Variants in COL5A2 observed in about 807,000 individuals in gnomAD.
COL5A2 encodes the protein collagen alpha-2(V) chain.
In COL5A2, 23 loss-of-function variants were observed where a neutral mutation model predicts 208.2. The observed-to-expected ratio is 0.11, with a 90% CI of 0.08 to 0.16. COL5A2 has a LOEUF of 0.16. COL5A2 is among the 10% of genes least tolerant of loss of function. The probability of loss-of-function intolerance (pLI) is 1.00; values close to 1 mark genes in which losing one functional copy is unlikely to be tolerated. For synonymous variants in COL5A2, 625 were observed against 628.5 expected (o/e 0.99, Z 0.08); for missense variants, 1,590 against 1,956.4 (o/e 0.81, Z 3.53).
At chr2:189,126,621 T>G (rs1370430094) in intron 1 of COL5A2, among the ~76,000 whole-genome samples, 1 of 152,080 alleles carries the variant, frequency 6.6e-6, no homozygotes, top group Non-Finnish European at 1.5e-5. Flanking sequence ...TCAAATTTAA[T>G]TTCCCCTACA....
At chr2:189,182,893 C>T (rs1688801147), upstream of COL5A2, among the ~76,000 whole-genome samples, 1 of 152,128 alleles carries the variant, frequency 6.6e-6, no homozygotes, top group Non-Finnish European at 1.5e-5. Flanking sequence ...TTCTTCAAAT[C>T]TCCTTGCAGA....
chr2:189,280,842 C>G, the COL5A2 span, among the ~76,000 whole-genome samples: 1 of 152,020 alleles, frequency 6.6e-6, no homozygotes, highest in Non-Finnish European at 1.5e-5. Flanking sequence ...AACTATTTTA[C>G]TTTGGACTCA....
At chr2:189,236,010 A>G in the COL5A2 span, among the ~76,000 whole-genome samples, 1 of 151,582 alleles carries the variant, frequency 6.6e-6, no homozygotes, top group East Asian at 1.9e-4. Flanking sequence ...AATAAAAAAA[A>G]AAAAACACCT....
chr2:189,075,077 A>T (rs1476174260), intron 17 of COL5A2, among the ~76,000 whole-genome samples: 1 of 152,138 alleles, frequency 6.6e-6, no homozygotes, highest in South Asian at 2.1e-4. Context: ...GTGTTTTGTC[A>T]TCTATCTATC....
In COL5A2 at chr2:189,092,293, C is replaced by A. The variant is rs780672109; in HGVS notation, c.567+17G>T. The A allele has an allele frequency of 4.2e-5, 63 of 1,489,254 alleles. No homozygotes were observed. The highest frequency in any genetic ancestry group is 1.9e-5 in the Non-Finnish European group (20 of 1,073,826). 92.3% of individuals were successfully genotyped at this position (1,489,254 alleles called of 1,614,324 possible). On this transcript the variant is annotated intron_variant, in intron 7 of 53. Transcript: ENST00000374866. ...AACATGACCTGTACGTGACATCAAA[C>A]AATGCACACAACTCACCCTGCTCAA...
At chr2:189,332,954 T>C in the COL5A2 span, among the ~76,000 whole-genome samples, 7 of 152,240 alleles carry the variant, frequency 4.6e-5, no homozygotes, top group Admixed American at 3.9e-4. Context: ...AAGCAACACT[T>C]CTCAAAAACT....
chr2:189,140,463 T>C (rs1687914424), intron 1 of COL5A2, among the ~76,000 whole-genome samples: 1 of 152,184 alleles, frequency 6.6e-6, no homozygotes, highest in Non-Finnish European at 1.5e-5. Context: ...AAGATATGTT[T>C]ATAGACCAGA....
At chr2:189,424,823 T>C in the COL5A2 span, among the ~76,000 whole-genome samples, 1 of 152,120 alleles carries the variant, frequency 6.6e-6, no homozygotes, top group South Asian at 2.1e-4. Context: ...AAAATTTGTG[T>C]GGAACAAAAA....
upstream of COL5A2, among the ~76,000 whole-genome samples, chr2:189,230,255 A>G (rs954261500): frequency 5.9e-5 from 9 of 151,878 alleles, no homozygotes; most frequent in Admixed American, 5.3e-4. Flanking sequence ...AGGTTTCATG[A>G]CATTGGTTTT....
the COL5A2 span, among the ~76,000 whole-genome samples, chr2:189,403,949 T>C: frequency 6.6e-6 from 1 of 152,160 alleles, no homozygotes; most frequent in Non-Finnish European, 1.5e-5. Context: ...GCCAGGATGG[T>C]CTCAATCTCC....
At position 189,162,360 on chromosome 2, in the gene COL5A2, C is replaced by T. The variant is rs547981543; in HGVS notation, c.97+17148G>A. Among the ~76,000 whole-genome samples, 5 of 152,256 alleles carry T rather than the reference C, an allele frequency of 3.3e-5. 1 individual carries two copies. The highest frequency in any genetic ancestry group is 1.2e-4 in the African/African-American group (5 of 41,548). On this transcript the variant is annotated intron_variant, in intron 1 of 53. Transcript: ENST00000374866. ...TAACTTGCATGGTGGGGGATATACT[C>T]CTCTGTAGAGAAAAGCAAGTTGAAA...
the COL5A2 span, among the ~76,000 whole-genome samples, chr2:189,405,205 T>C: frequency 6.6e-6 from 1 of 150,376 alleles, no homozygotes; most frequent in South Asian, 2.1e-4. Context: ...AATAGTGACA[T>C]TAGATATTTA....
At chr2:189,090,311 G>A (rs1342935042) in intron 7 of COL5A2, among the ~76,000 whole-genome samples, 1 of 152,208 alleles carries the variant, frequency 6.6e-6, no homozygotes, top group Non-Finnish European at 1.5e-5. Context: ...AAGGCTGAAA[G>A]AAGCAAGGAA....
At chr2:189,357,215 G>A in the COL5A2 span, among the ~76,000 whole-genome samples, 2 of 152,138 alleles carry the variant, frequency 1.3e-5, no homozygotes, top group Non-Finnish European at 2.9e-5. Context: ...CAGAGGTCAG[G>A]GGCCCACTTG....
At chr2:189,318,131 A>G in the COL5A2 span, among the ~76,000 whole-genome samples, 1 of 152,218 alleles carries the variant, frequency 6.6e-6, no homozygotes, top group African/African-American at 2.4e-5. Flanking sequence ...CTGACCCTGT[A>G]GAACACCTGT....
intron 1 of COL5A2, among the ~76,000 whole-genome samples, chr2:189,198,855 G>A (rs1305505166): frequency 6.6e-6 from 1 of 152,092 alleles, no homozygotes; most frequent in African/African-American, 2.4e-5. Context: ...CTCAGCAACA[G>A]TCACTTGTTT....
the COL5A2 span, among the ~76,000 whole-genome samples, chr2:189,262,675 T>C: frequency 1.3e-5 from 2 of 152,100 alleles, no homozygotes; most frequent in Admixed American, 6.6e-5. Context: ...CCCTATATTG[T>C]TCTAATTACA....
At chr2:189,212,781 G>A (rs1689231709) in intron 1 of COL5A2, among the ~76,000 whole-genome samples, 1 of 151,556 alleles carries the variant, frequency 6.6e-6, no homozygotes, top group South Asian at 2.1e-4. Context: ...AAATTGGGGT[G>A]GCAAGAGGAG....
At chr2:189,287,078 C>A in the COL5A2 span, among the ~76,000 whole-genome samples, 251 of 151,964 alleles carry the variant, frequency 1.7e-3, 1 homozygote, top group African/African-American at 5.6e-3. Context: ...TCAGTTGCAT[C>A]CCTGAGAAGC....
Sources: allele counts gnomAD v4.1 joint callset (sites outside exome capture counted in the v4.1 genomes callset), GRCh38; gene constraint gnomAD v4.1.1; transcripts MANE v1.5; gene names NCBI Gene and HGNC (gene_info 2026-07-23, HGNC 2026-07-21).